Variants in DOCK9 observed in about 807,000 individuals in gnomAD.
DOCK9 encodes the protein dedicator of cytokinesis 9.
Under a neutral mutation model 263.3 loss-of-function variants are expected in DOCK9, and 89 were observed. The observed-to-expected ratio is 0.34, with a 90% CI of 0.28 to 0.40. The LOEUF is 0.40. Ranked by LOEUF, DOCK9 falls within the 10% of genes least tolerant of loss-of-function variation. The pLI is 1.00. For missense variants in DOCK9, 2,140 were observed against 2,603.4 expected, an observed-to-expected ratio of 0.82 and a Z score of 3.87; for synonymous variants, 976 against 973.1, an observed-to-expected ratio of 1.00 and a Z score of -0.06.
At chr13:98,974,580 T>C (rs2060036504) in intron 1 of DOCK9, among the ~76,000 whole-genome samples, 1 of 151,174 alleles carries the variant, frequency 6.6e-6, no homozygotes, top group African/African-American at 2.4e-5. Context: ...TGACACCACG[T>C]CTCTACTAAA....
chr13:98,939,450 C>T (rs1056941687), intron 2 of DOCK9, among the ~76,000 whole-genome samples: 5 of 152,176 alleles, frequency 3.3e-5, no homozygotes, highest in Non-Finnish European at 7.3e-5. Flanking sequence ...TGTAAAGCAT[C>T]CATGCTTGTG....
At chr13:99,071,306 C>CTTTTT (rs71114578) in intron 1 of DOCK9, among the ~76,000 whole-genome samples, 2 of 49,330 alleles carry the variant, frequency 4.1e-5, no homozygotes, top group Non-Finnish European at 6.8e-5. Flanking sequence ...CCATGCCTGG[C>CTTTTT]TTTTTTTTTT....
At chr13:99,013,509 G>C (rs537077936) in intron 1 of DOCK9, among the ~76,000 whole-genome samples, 4 of 152,304 alleles carry the variant, frequency 2.6e-5, no homozygotes, top group African/African-American at 9.6e-5. Context: ...TCTGGACAAA[G>C]AATACGTCAG....
intron 47 of DOCK9, among the ~76,000 whole-genome samples, chr13:98,808,840 G>A (rs1409494907): frequency 6.6e-6 from 1 of 151,872 alleles, no homozygotes; most frequent in African/African-American, 2.4e-5. Flanking sequence ...TTTCCTATAG[G>A]GTTTCTGAAA....
intron 1 of DOCK9, among the ~76,000 whole-genome samples, chr13:99,073,517 A>G (rs1482842225): frequency 6.6e-6 from 1 of 152,104 alleles, no homozygotes; most frequent in Non-Finnish European, 1.5e-5. Context: ...AACAAAACCA[A>G]TCCAGAAAAA....
chr13:99,041,309 C>T (rs980342553), intron 1 of DOCK9, among the ~76,000 whole-genome samples: 2 of 152,136 alleles, frequency 1.3e-5, no homozygotes, highest in South Asian at 2.1e-4. Flanking sequence ...CATAGAGAAA[C>T]CCTTTCTCTA....
chr13:98,797,915 G>C (rs925618313), intron 50 of DOCK9, among the ~76,000 whole-genome samples: 2 of 152,182 alleles, frequency 1.3e-5, no homozygotes, highest in Admixed American at 6.5e-5. Context: ...GTGAAAAATT[G>C]AAAAATGCAG....
At chr13:98,869,261 A>G (rs2094129161) in intron 27 of DOCK9, among the ~76,000 whole-genome samples, 1 of 152,254 alleles carries the variant, frequency 6.6e-6, no homozygotes, top group African/African-American at 2.4e-5. Context: ...ACACTTATGT[A>G]TATCTTCTAC....
chr13:99,019,238 T>C (rs1305712803), intron 1 of DOCK9, among the ~76,000 whole-genome samples: 1 of 152,156 alleles, frequency 6.6e-6, no homozygotes, highest in Non-Finnish European at 1.5e-5. Context: ...CCAGGAAATA[T>C]GGGGTCATTG....
intron 39 of DOCK9, chr13:98,834,336 G>A (rs1359269467): frequency 3.3e-5 from 5 of 152,174 alleles, no homozygotes; most frequent in African/African-American, 7.2e-5. Flanking sequence ...TTAAAATAAC[G>A]TTAAAAAATC....
intron 34 of DOCK9, among the ~76,000 whole-genome samples, chr13:98,855,046 A>G (rs2093671903): frequency 6.6e-6 from 1 of 152,230 alleles, no homozygotes. Context: ...CCAGGTTTAA[A>G]CCCACACTTT....
At chr13:99,012,043 G>A (rs184065382) in intron 1 of DOCK9, among the ~76,000 whole-genome samples, 113 of 152,122 alleles carry the variant, frequency 7.4e-4, no homozygotes, top group African/African-American at 2.3e-3. Flanking sequence ...GGCTGGTCTC[G>A]AACTCCTGGC....
rs1478861649 is a variant in DOCK9 at position 98,793,957 on chromosome 13, GTAC to G, written c.*666_*668del. 2.0e-5 allele frequency: 3 copies of G among 152,594 alleles called. No homozygotes were observed. The highest frequency in any genetic ancestry group is 4.4e-5 in the Non-Finnish European group (3 of 68,068). 9.5% of individuals were successfully genotyped at this position (152,594 alleles called of 1,614,324 possible). ...AATGATATGTACATAACAATATACT[GTAC>G]TACTTTGTACTTTTCAGCATAGTTG... On this transcript the variant is annotated 3_prime_UTR_variant, in exon 53 of 53. Transcript: ENST00000682017.
chr13:99,084,223 T>TG (rs1027372267), intron 1 of DOCK9, among the ~76,000 whole-genome samples: 2 of 151,670 alleles, frequency 1.3e-5, no homozygotes, highest in African/African-American at 4.8e-5. Context: ...AGGAAGGAGG[T>TG]GGGGGGATGA....
rs117992906 is a variant in DOCK9, at chr13:98,986,478, C to T, written c.130-30927G>A. ...TACAAAGGGAATTGTAGCATTTCCCCTAGCACTTCTGGCTGAATTTAGTTT... is the reference window on the plus strand; with the variant it reads ...TACAAAGGGAATTGTAGCATTTCCCTTAGCACTTCTGGCTGAATTTAGTTT... On this transcript the variant is annotated intron_variant, in intron 1 of 32. Coordinates refer to the DOCK9 transcript ENST00000427887. Among the ~76,000 whole-genome samples the T allele has an allele frequency of 4.5e-3, 692 of 152,348 alleles. 4 individuals are homozygous for T. Among genetic ancestry groups the T allele is most frequent in the Middle Eastern group, 0.037 (11 of 294 alleles).
At chr13:99,012,131 T>G (rs1884593735) in intron 1 of DOCK9, among the ~76,000 whole-genome samples, 1 of 152,208 alleles carries the variant, frequency 6.6e-6, no homozygotes, top group Admixed American at 6.5e-5. Context: ...TCAGCACTCT[T>G]AACCACCATA....
At chr13:99,079,249 A>G (rs1349623814) in intron 1 of DOCK9, among the ~76,000 whole-genome samples, 6 of 152,312 alleles carry the variant, frequency 3.9e-5, no homozygotes, top group Non-Finnish European at 4.4e-5. Flanking sequence ...TTACTGTTTG[A>G]CTTTTGTATG....
intron 14 of DOCK9, 56 bp downstream of exon 14, chr13:98,898,123 G>T: frequency 8.1e-7 from 1 of 1,241,636 alleles, no homozygotes; most frequent in South Asian, 1.3e-5. Flanking sequence ...TAGGCCTATT[G>T]ACCCATCCAT....
chr13:98,883,788 C>T, intron 22 of DOCK9, 25 bp downstream of exon 22: 1 of 1,534,790 alleles, frequency 6.5e-7, no homozygotes. Flanking sequence ...GCAGCAACTG[C>T]TAATTTTGTT....
Sources: gnomAD v4.1 joint callset for allele counts (sites outside exome capture counted in the v4.1 genomes callset) on GRCh38, gnomAD v4.1.1 for gene constraint, MANE v1.5 for transcripts, NCBI Gene and HGNC (gene_info 2026-07-23, HGNC 2026-07-21) for gene names.